The following WDR7 variants were observed in gnomAD, a reference collection of about 807,000 sequenced individuals.
WDR7 encodes the protein WD repeat domain 7, also known as WD repeat-containing protein 7.
In WDR7, 46 loss-of-function variants were observed where a neutral mutation model predicts 169.4. That is an observed-to-expected ratio of 0.27 (90% CI 0.21 to 0.35). WDR7 has a LOEUF of 0.35. WDR7 is among the 10% of genes least tolerant of loss of function. The probability of loss-of-function intolerance (pLI) is 1.00; values close to 1 mark genes in which losing one functional copy is unlikely to be tolerated. For synonymous variants in WDR7, 612 were observed against 666.8 expected (o/e 0.92, Z 1.27); for missense variants, 1,534 against 1,859.3 (o/e 0.83, Z 3.22).
rs1030994526 is a variant in WDR7, at chr18:56,969,921, A to C, written c.4164+7392A>C. On this transcript the variant is annotated intron_variant, in intron 26 of 27. Transcript: ENST00000254442. ...AGTGTGGTTGCGTAGTTAATAGAGT[A>C]GATTCTGAAACTGAGCTGCCTGAAT... 2.6e-5 allele frequency among the ~76,000 whole-genome samples: 4 copies of C among 152,334 alleles called. No homozygotes were observed. In the South Asian group the frequency reaches 8.3e-4, roughly 32 times the overall value.
At chr18:56,995,873 A>G (rs1344643083) in intron 26 of WDR7, among the ~76,000 whole-genome samples, 2 of 152,192 alleles carry the variant, frequency 1.3e-5, no homozygotes, top group Non-Finnish European at 2.9e-5. Flanking sequence ...TCATGGAGAT[A>G]GAATGGGGTC....
At chr18:56,658,076 A>G (rs2024817830) in intron 1 of WDR7, among the ~76,000 whole-genome samples, 1 of 152,018 alleles carries the variant, frequency 6.6e-6, no homozygotes, top group South Asian at 2.1e-4. Flanking sequence ...AAAATATAAC[A>G]TTTCTGGAGA....
intron 20 of WDR7, among the ~76,000 whole-genome samples, chr18:56,835,926 A>G (rs1335616952): frequency 6.6e-6 from 1 of 152,218 alleles, no homozygotes; most frequent in African/African-American, 2.4e-5. Flanking sequence ...TTGACTGTAT[A>G]TGATTCATGA....
chr18:56,900,055 CAT>C lies in WDR7; in HGVS notation c.3526+19899_3526+19900del, dbSNP rs1180519482. On this transcript the variant is annotated intron_variant, in intron 21 of 27. Transcript: ENST00000254442. ...ATCTCTGAATTAAGCTCACTGGACA[CAT>C]ATATATATGTGTGTGTGTGTGTGTG... 2.2e-3 allele frequency among the ~76,000 whole-genome samples: 277 copies of C among 124,982 alleles called. 1 individual carries two copies. The highest frequency in any genetic ancestry group is 6.6e-3 in the African/African-American group (215 of 32,548). The allele number at this position is 124,982 out of a possible 152,430, so 82.0% of individuals were successfully genotyped here.
intron 2 of WDR7, among the ~76,000 whole-genome samples, chr18:56,674,908 G>A (rs1016446854): frequency 2.0e-5 from 3 of 152,134 alleles, no homozygotes; most frequent in African/African-American, 7.2e-5. Flanking sequence ...AATTATCCTA[G>A]CACTATTGGT....
At chr18:56,847,703 A>T (rs2045587103) in intron 20 of WDR7, among the ~76,000 whole-genome samples, 1 of 152,204 alleles carries the variant, frequency 6.6e-6, no homozygotes, top group Non-Finnish European at 1.5e-5. Flanking sequence ...AGTTCTCCCC[A>T]TATCCCAGCC....
At chr18:56,658,296 G>C (rs1243643610) in intron 1 of WDR7, among the ~76,000 whole-genome samples, 1 of 151,972 alleles carries the variant, frequency 6.6e-6, no homozygotes, top group African/African-American at 2.4e-5. Flanking sequence ...TAGAGACAGG[G>C]TTTCACCATG....
intron 16 of WDR7, among the ~76,000 whole-genome samples, chr18:56,767,276 C>T (rs1002831508): frequency 1.3e-5 from 2 of 152,130 alleles, no homozygotes; most frequent in Non-Finnish European, 2.9e-5. Flanking sequence ...GATTGGTATT[C>T]TGCTGTATAC....
At chr18:56,835,960 G>A (rs1051690055) in intron 20 of WDR7, among the ~76,000 whole-genome samples, 2 of 152,212 alleles carry the variant, frequency 1.3e-5, no homozygotes, top group African/African-American at 4.8e-5. Flanking sequence ...ATGTATAAGT[G>A]TACTTTATAC....
At chr18:57,023,458 G>A (rs2048318114) in intron 27 of WDR7, among the ~76,000 whole-genome samples, 1 of 152,200 alleles carries the variant, frequency 6.6e-6, no homozygotes, top group Non-Finnish European at 1.5e-5. Context: ...GACTTAGTAA[G>A]GTCTGTGTGC....
At chr18:56,663,672 CATATATATATGCACAGCATATATGT>C (rs1226247417) in intron 1 of WDR7, among the ~76,000 whole-genome samples, 31 of 24,478 alleles carry the variant, frequency 1.3e-3, no homozygotes, top group African/African-American at 2.2e-3. Context: ...AGCATATATA[CATATATATATGCACAGCATATATGT>C]AGATATACCA....
rs149985677 is a variant in WDR7 at position 56,912,497 on chromosome 18, A to C, written c.3527-11425A>C. Among the ~76,000 whole-genome samples, 8 of 152,262 alleles carry C rather than the reference A, an allele frequency of 5.3e-5. No homozygotes were observed. In the East Asian group the frequency reaches 1.5e-3, roughly 29 times the overall value. Reference sequence around the variant, plus strand: ...ATTCTATACTAAATACTCTGACTAAATTTACCTTCTCTGCTTTCTCAGCTA... The same window carrying C: ...ATTCTATACTAAATACTCTGACTAACTTTACCTTCTCTGCTTTCTCAGCTA... On this transcript the variant is annotated intron_variant, in intron 21 of 27. Coordinates refer to ENST00000254442, the MANE Select transcript of WDR7 (RefSeq NM_015285.3).
At chr18:56,692,951 A>C (rs983825586) in intron 9 of WDR7, among the ~76,000 whole-genome samples, 2 of 152,128 alleles carry the variant, frequency 1.3e-5, no homozygotes, top group Non-Finnish European at 2.9e-5. Context: ...CTGTAGTCCC[A>C]GCTACTTGGG....
intron 27 of WDR7, among the ~76,000 whole-genome samples, chr18:57,022,707 T>C (rs1159352609): frequency 6.6e-6 from 1 of 152,246 alleles, no homozygotes; most frequent in African/African-American, 2.4e-5. Context: ...TTTCTATTTA[T>C]ATCAAAATTA....
Position 56,935,849 on chromosome 18 carries a change from C to A in WDR7, c.3775C>A (p.Leu1259Ile), listed in dbSNP as rs564579242. The part of the protein sequence containing the change: ...ADSARSARHA[L>I]SLIATARPPA... ...CTCGGCCCGCTCTGCGAGGCATGCCCTCTCGCTCATTGCCACCGCCAGACC... is the reference window on the plus strand; with the variant it reads ...CTCGGCCCGCTCTGCGAGGCATGCCATCTCGCTCATTGCCACCGCCAGACC... Residue 1259 changes from leucine (L) to isoleucine (I), a missense_variant, in exon 23 of 28, where the codon CTC becomes ATC. Coordinates refer to ENST00000254442, the MANE Select transcript of WDR7 (RefSeq NM_015285.3). 1 of 1,614,178 alleles carries A rather than the reference C, an allele frequency of 6.2e-7. No individual in the cohort carries two copies. Among genetic ancestry groups the A allele is most frequent in the East Asian group, 2.2e-5 (1 of 44,880 alleles).
chr18:56,772,674 C>T (rs886888581), intron 16 of WDR7, among the ~76,000 whole-genome samples: 10 of 151,048 alleles, frequency 6.6e-5, no homozygotes, highest in African/African-American at 1.5e-4. Flanking sequence ...AATGACTATT[C>T]GTATAGAGAT....
rs1351174424 is a variant in WDR7, at chr18:57,028,161, T to C, written c.*954T>C. Reference sequence around the variant, plus strand: ...CCATATGTGTGGCATATGTCAGTTATGAAATTATTATAATTCAGCCTTCAA... The same window carrying C: ...CCATATGTGTGGCATATGTCAGTTACGAAATTATTATAATTCAGCCTTCAA... On this transcript the variant is annotated 3_prime_UTR_variant, in exon 28 of 28. Transcript: ENST00000254442. 1 of 152,228 alleles carries C rather than the reference T, an allele frequency of 6.6e-6. No homozygotes were observed. Among genetic ancestry groups the C allele is most frequent in the Non-Finnish European group, 1.5e-5 (1 of 68,046 alleles). The allele number at this position is 152,228 out of a possible 1,614,324, so 9.4% of individuals were successfully genotyped here. A position where few individuals can be genotyped will look rare whatever the true frequency, so the allele number is the denominator to read the frequency against.
chr18:56,798,663 A>G (rs990997881), intron 19 of WDR7, among the ~76,000 whole-genome samples: 1 of 152,062 alleles, frequency 6.6e-6, no homozygotes, highest in Admixed American at 6.6e-5. Context: ...GTATTTTTCT[A>G]TGTTATTTAT....
intron 16 of WDR7, among the ~76,000 whole-genome samples, chr18:56,772,060 C>CAAAAAA (rs71169397): frequency 2.0e-5 from 1 of 51,168 alleles, no homozygotes; most frequent in Non-Finnish European, 3.4e-5. Flanking sequence ...GACCCTGTCT[C>CAAAAAA]AAAAAAAAAA....
Sources: allele counts gnomAD v4.1 joint callset (sites outside exome capture counted in the v4.1 genomes callset), GRCh38; gene constraint gnomAD v4.1.1; transcripts MANE v1.5; gene names NCBI Gene and HGNC (gene_info 2026-07-23, HGNC 2026-07-21).